SLC38A12: variants seen among roughly 807,000 people sequenced by gnomAD.
SLC38A12 encodes solute carrier family 38 member 12.
the SLC38A12 span, among the ~76,000 whole-genome samples, chr17:74,787,205 G>A: frequency 1.3e-5 from 2 of 152,128 alleles, no homozygotes; most frequent in African/African-American, 2.4e-5. Flanking sequence ...ACTGGTGTGG[G>A]GCCAAGTGAC....
the SLC38A12 span, among the ~76,000 whole-genome samples, chr17:74,815,696 G>A: frequency 2.6e-5 from 4 of 152,216 alleles, no homozygotes; most frequent in African/African-American, 9.6e-5. Flanking sequence ...GAGGCAGGTG[G>A]TGGACACGGC....
chr17:74,836,351 C>T, the SLC38A12 span: 1 of 1,612,840 alleles, frequency 6.2e-7, no homozygotes, highest in Non-Finnish European at 8.5e-7. This position sits in a 1 kb window ranked among gnomAD's most constrained non-coding sequence, Gnocchi z 4.2. Flanking sequence ...CACTCTTCCA[C>T]CGCGAGGGCG....
chr17:74,788,417 C>A, the SLC38A12 span, among the ~76,000 whole-genome samples: 5 of 152,166 alleles, frequency 3.3e-5, no homozygotes, highest in Non-Finnish European at 7.3e-5. Context: ...CTGGGGGGCC[C>A]TTTGTGAACC....
chr17:74,838,701 T>C, the SLC38A12 span: 1 of 1,433,534 alleles, frequency 7.0e-7, no homozygotes, highest in South Asian at 1.5e-5. Context: ...GAGGTCACCT[T>C]CCTCTCCATC....
chr17:74,789,156 C>T, the SLC38A12 span, among the ~76,000 whole-genome samples: 6 of 152,172 alleles, frequency 3.9e-5, no homozygotes, highest in Admixed American at 3.3e-4. Context: ...TCACTTCTTC[C>T]CGAGTGCGTC....
At chr17:74,787,797 CT>C in the SLC38A12 span, among the ~76,000 whole-genome samples, 85,294 of 141,386 alleles carry the variant, frequency 0.6, 25,574 homozygotes, top group African/African-American at 0.63. Context: ...CTCAAGTATC[CT>C]TTTTTTTTTT....
At chr17:74,815,564 G>A in the SLC38A12 span, among the ~76,000 whole-genome samples, 2 of 152,170 alleles carry the variant, frequency 1.3e-5, no homozygotes, top group Admixed American at 6.5e-5. Context: ...TCCGTGGTGC[G>A]GTTAAAGGAC....
the SLC38A12 span, chr17:74,819,694 G>C: frequency 5.3e-5 from 81 of 1,541,982 alleles, no homozygotes; most frequent in Admixed American, 8.3e-5. Flanking sequence ...TCTTCCGTGT[G>C]CAGACAGTCT....
chr17:74,826,697 C>T, the SLC38A12 span, among the ~76,000 whole-genome samples: 1 of 152,224 alleles, frequency 6.6e-6, no homozygotes, highest in African/African-American at 2.4e-5. Context: ...CCCTCACCCA[C>T]ACCACAGCCC....
At chr17:74,787,578 C>T in the SLC38A12 span, among the ~76,000 whole-genome samples, 1 of 149,808 alleles carries the variant, frequency 6.7e-6, no homozygotes, top group Non-Finnish European at 1.5e-5. Context: ...GCCGAGATTG[C>T]GCCACTGCAG....
At chr17:74,810,910 C>G in the SLC38A12 span, among the ~76,000 whole-genome samples, 1 of 151,372 alleles carries the variant, frequency 6.6e-6, no homozygotes, top group Non-Finnish European at 1.5e-5. Flanking sequence ...CTCCTGCTCT[C>G]TTTCTCTGGC....
the SLC38A12 span, among the ~76,000 whole-genome samples, chr17:74,827,628 T>A: frequency 1.3e-5 from 2 of 152,142 alleles, no homozygotes; most frequent in African/African-American, 4.8e-5. The surrounding 1 kb of genome is among the most constrained non-coding windows in gnomAD (Gnocchi z 4.7). Flanking sequence ...TAAAACAGTT[T>A]GCCCCAAGAT....
At chr17:74,813,316 TC>T in the SLC38A12 span, among the ~76,000 whole-genome samples, 35 of 152,354 alleles carry the variant, frequency 2.3e-4, no homozygotes, top group Admixed American at 1.1e-3. Flanking sequence ...CAGCTGCCCT[TC>T]CAAGTGTTTT....
the SLC38A12 span, among the ~76,000 whole-genome samples, chr17:74,812,248 G>A: frequency 0.022 from 3,390 of 152,090 alleles, 70 homozygotes; most frequent in African/African-American, 0.059. Flanking sequence ...GAAAGCTCTC[G>A]CAGTTAGAAG....
At chr17:74,799,322 A>AGAGCG in the SLC38A12 span, among the ~76,000 whole-genome samples, 1 of 152,364 alleles carries the variant, frequency 6.6e-6, no homozygotes, top group African/African-American at 2.4e-5. Flanking sequence ...CGCAGATGGC[A>AGAGCG]GAGCGGAGCT....
At chr17:74,806,785 C>T in the SLC38A12 span, among the ~76,000 whole-genome samples, 1 of 152,154 alleles carries the variant, frequency 6.6e-6, no homozygotes, top group Admixed American at 6.5e-5. Context: ...TGATCTCCCC[C>T]TACCCCTGTC....
At chr17:74,778,285 A>G in the SLC38A12 span, among the ~76,000 whole-genome samples, 1 of 152,188 alleles carries the variant, frequency 6.6e-6, no homozygotes, top group African/African-American at 2.4e-5. Context: ...TCTTGCCTGG[A>G]TAAGTAGCCA....
the SLC38A12 span, among the ~76,000 whole-genome samples, chr17:74,784,189 G>C: frequency 6.6e-6 from 1 of 152,116 alleles, no homozygotes; most frequent in Admixed American, 6.5e-5. Context: ...TGAGAAATGG[G>C]TAAGCATTCC....
the SLC38A12 span, among the ~76,000 whole-genome samples, chr17:74,787,712 T>C: frequency 6.6e-6 from 1 of 152,146 alleles, no homozygotes; most frequent in African/African-American, 2.4e-5. Context: ...TCAGGTTTTA[T>C]TAGCAGGAAG....
Sources: gnomAD v4.1 joint callset for allele counts (sites outside exome capture counted in the v4.1 genomes callset) on GRCh38, gnomAD v4.1.1 for gene constraint, Gnocchi (gnomAD v3.1) non-coding constraint, MANE v1.5 for transcripts, NCBI Gene and HGNC (gene_info 2026-07-23, HGNC 2026-07-21) for gene names.